The following ZNF573 variants were observed in gnomAD, a reference collection of about 807,000 sequenced individuals.
The protein encoded by ZNF573 is zinc finger protein 573.
Under a neutral mutation model 57.4 loss-of-function variants are expected in ZNF573, and 41 were observed. The observed-to-expected ratio is 0.71, with a 90% confidence interval of 0.56 to 0.93. The LOEUF (loss-of-function observed/expected upper bound fraction) is 0.93, where lower values mean the gene tolerates loss of function less well. Ranked by LOEUF, ZNF573 falls within the 40% of genes least tolerant of loss-of-function variation. ZNF573 has a pLI of 0.00. For synonymous variants in ZNF573, 249 were observed against 261.0 expected (o/e 0.95, Z 0.44); for missense variants, 730 against 794.8 (o/e 0.92, Z 0.98).
intron 4 of ZNF573, among the ~76,000 whole-genome samples, chr19:37,742,110 G>T (rs970480242): frequency 6.6e-5 from 10 of 152,094 alleles, no homozygotes; most frequent in Admixed American, 3.3e-4. Flanking sequence ...TAGGAATACA[G>T]CTAACAAGGG....
At chr19:37,765,633 C>T (rs972013503) in intron 4 of ZNF573, among the ~76,000 whole-genome samples, 2 of 152,094 alleles carry the variant, frequency 1.3e-5, no homozygotes, top group African/African-American at 4.8e-5. Flanking sequence ...TCGCTTGAAC[C>T]TGGGAGACGG....
rs2045300027 is a variant in ZNF573 at position 37,739,397 on chromosome 19, T to C, written c.1093A>G (p.Lys365Glu). ...GKPYECKECK[K>E]TFTLYRNLTR... ...AGATTTCTATACAAAGTAAAGGTTTTCTTACACTCCTTACATTCATAGGGT... is the reference window on the plus strand; with the variant it reads ...AGATTTCTATACAAAGTAAAGGTTTCCTTACACTCCTTACATTCATAGGGT... Residue 365 changes from lysine (K) to glutamate (E), a missense_variant, in exon 5 of 5, where the codon AAA becomes GAA. By Grantham distance (56) the Lys-to-Glu change is moderately conservative (BLOSUM62 1). Transcript: ENST00000536220. 2 of 1,614,074 alleles carry C rather than the reference T, an allele frequency of 1.2e-6. No individual in the cohort carries two copies. Among genetic ancestry groups the C allele is most frequent in the East Asian group, 2.2e-5 (1 of 44,876 alleles).
At chr19:37,761,531 T>C (rs1477531686) in intron 4 of ZNF573, among the ~76,000 whole-genome samples, 2 of 152,172 alleles carry the variant, frequency 1.3e-5, no homozygotes, top group African/African-American at 4.8e-5. Flanking sequence ...TACTCTAACT[T>C]TCCCCTGCCT....
chr19:37,743,806 C>A (rs1249950689), intron 4 of ZNF573, among the ~76,000 whole-genome samples: 1 of 152,120 alleles, frequency 6.6e-6, no homozygotes, highest in East Asian at 1.9e-4. Context: ...TACTATGCAG[C>A]CATAAAAAGA....
chr19:37,757,281 C>T (rs1447532081), intron 4 of ZNF573, among the ~76,000 whole-genome samples: 4 of 152,126 alleles, frequency 2.6e-5, no homozygotes, highest in Admixed American at 6.6e-5. Flanking sequence ...ACTGCGACCT[C>T]CACCTCCTGG....
At position 37,739,516 on chromosome 19, in the gene ZNF573, G is replaced by A; in HGVS notation, c.974C>T (p.Thr325Ile). Residue 325 changes from threonine (T) to isoleucine (I), a missense_variant, in exon 5 of 5, where the codon ACT (threonine) becomes ATT (isoleucine). Thr to Ile is a moderately conservative substitution (Grantham distance 89). Coordinates refer to ENST00000536220, the MANE Select transcript of ZNF573 (RefSeq NM_001172690.2). The stretch of plus-strand genomic sequence containing the variant: ...TTTACACTCATATGGCTTTTTACCA[G>A]TGTGAACTCTCTGATGTACAGTAAG... ...HQLTVHQRVH[T>I]GKKPYECKEC... The A allele has an allele frequency of 6.2e-7, 1 of 1,613,084 alleles. No homozygotes were observed. Among genetic ancestry groups the A allele is most frequent in the South Asian group, 1.1e-5 (1 of 90,886 alleles).
intron 4 of ZNF573, among the ~76,000 whole-genome samples, chr19:37,769,801 G>T (rs856303): frequency 0.023 from 3,244 of 140,720 alleles, 121 homozygotes; most frequent in African/African-American, 0.08. Flanking sequence ...AAATATAAAA[G>T]AAATAAGGTG....
At chr19:37,773,200 A>T (rs1255622205) in intron 2 of ZNF573, among the ~76,000 whole-genome samples, 1 of 152,200 alleles carries the variant, frequency 6.6e-6, no homozygotes, top group Non-Finnish European at 1.5e-5. Context: ...AACAATTCTA[A>T]AATTCTCAAA....
intron 4 of ZNF573, chr19:37,755,270 A>T (rs969618276): frequency 1.3e-5 from 2 of 152,142 alleles, no homozygotes; most frequent in East Asian, 1.9e-4. Flanking sequence ...ACCTGGCCCA[A>T]TGGAATAAAT....
chr19:37,747,616 C>A (rs1190684726), intron 4 of ZNF573, among the ~76,000 whole-genome samples: 1 of 152,076 alleles, frequency 6.6e-6, no homozygotes, highest in African/African-American at 2.4e-5. Flanking sequence ...GCAGACACTA[C>A]TTTAGCCAAA....
rs1471193220 is a variant in ZNF573, at chr19:37,738,696, G to T, written c.1794C>A (p.Thr598=). The part of the protein sequence containing the change: ...GKAFKMYGYL[T]QHQKIHTGGK... ...CACCAGTATGAATTTTCTGATGTTG[G>T]GTAAGGTAGCCATACATTTTAAAGG... Residue 598 remains threonine (T), a synonymous_variant, in exon 5 of 5, where the codon ACC becomes ACA. Coordinates refer to ENST00000536220, the MANE Select transcript of ZNF573 (RefSeq NM_001172690.2). 3 of 1,608,048 alleles carry T rather than the reference G, an allele frequency of 1.9e-6. No individual in the cohort carries two copies. Among genetic ancestry groups the T allele is most frequent in the Middle Eastern group, 1.7e-4 (1 of 6,008 alleles).
intron 2 of ZNF573, chr19:37,773,050 C>T (rs2045673891): frequency 1.1e-6 from 1 of 883,580 alleles, no homozygotes; most frequent in Non-Finnish European, 1.4e-6. Flanking sequence ...TCACTTAATA[C>T]TTTTCTTGTT....
intron 4 of ZNF573, among the ~76,000 whole-genome samples, chr19:37,766,341 C>T (rs371191418): frequency 6.6e-6 from 1 of 152,026 alleles, no homozygotes; most frequent in South Asian, 2.1e-4. Context: ...CCTACCAATC[C>T]CCCTACAGGT....
chr19:37,756,982 T>C (rs1455493105), intron 4 of ZNF573, among the ~76,000 whole-genome samples: 8 of 151,724 alleles, frequency 5.3e-5, no homozygotes, highest in Non-Finnish European at 1.2e-4. Flanking sequence ...AAAAACACAA[T>C]GATAACCTCA....
chr19:37,772,835 C>T (rs959467652), intron 2 of ZNF573: 33 of 443,422 alleles, frequency 7.4e-5, no homozygotes, highest in Admixed American at 2.6e-4. Context: ...GGGTGTCTCA[C>T]TTTTTTTGCA....
rs368086877 is a variant in ZNF573 at position 37,740,235 on chromosome 19, T to G, written c.296-41A>C. 12 of 1,500,776 alleles carry G rather than the reference T, an allele frequency of 8.0e-6. No homozygotes were observed. The African/African-American group carries it at 1.7e-4, about 21-fold the overall frequency. The allele number at this position is 1,500,776 out of a possible 1,614,324, so 93.0% of individuals were successfully genotyped here. On this transcript the variant is annotated intron_variant, in intron 4 of 4. Transcript: ENST00000536220. ...ACAACAAAAAAAATTTGTATTTCTA[T>G]ACCAGAGAACAAGAAACTTTATGCA...
chr19:37,768,901 C>T (rs998371511), intron 4 of ZNF573, among the ~76,000 whole-genome samples: 11 of 122,906 alleles, frequency 8.9e-5, no homozygotes, highest in Middle Eastern at 5.1e-3. Flanking sequence ...CTCCTGACCT[C>T]GTGATCCACC....
At chr19:37,742,103 G>C (rs2045332978) in intron 4 of ZNF573, among the ~76,000 whole-genome samples, 2 of 152,034 alleles carry the variant, frequency 1.3e-5, no homozygotes, top group African/African-American at 4.8e-5. Flanking sequence ...AAATACGTAG[G>C]AATACAGCTA....
chr19:37,739,603 T>C lies in ZNF573; in HGVS notation c.887A>G (p.His296Arg). The C allele has an allele frequency of 6.2e-7, 1 of 1,614,112 alleles. No individual in the cohort carries two copies. Among genetic ancestry groups the C allele is most frequent in the Non-Finnish European group, 8.5e-7 (1 of 1,180,010 alleles). The part of the protein sequence containing the change: ...RSNLVEHGQF[H>R]TDEKPYICEK... ...ACATATGTATGGCTTCTCATCAGTA[T>C]GAAACTGCCCATGTTCAACAAGATT... Residue 296 changes from histidine (H) to arginine (R), a missense_variant, in exon 5 of 5, where the codon CAT (histidine) becomes CGT (arginine). His to Arg is a conservative substitution (Grantham distance 29). Coordinates refer to ENST00000536220, the MANE Select transcript of ZNF573 (RefSeq NM_001172690.2).
Sources: allele counts gnomAD v4.1 joint callset (sites outside exome capture counted in the v4.1 genomes callset), GRCh38; gene constraint gnomAD v4.1.1; transcripts MANE v1.5; gene names NCBI Gene and HGNC (gene_info 2026-07-23, HGNC 2026-07-21).